FHOD3: variants seen among roughly 807,000 people sequenced by gnomAD.
FHOD3 encodes the protein FH1/FH2 domain-containing protein 3.
FHOD3 carries 90 observed loss-of-function variants against 173.0 expected under a neutral mutation model. The observed-to-expected ratio is 0.52, with a 90% confidence interval of 0.44 to 0.62. The LOEUF (loss-of-function observed/expected upper bound fraction) is 0.62. Among genes scored for constraint, FHOD3 ranks in the 20% least tolerant of loss-of-function variants. The pLI, the probability that FHOD3 is intolerant of heterozygous loss-of-function variation, is 0.00. For synonymous variants in FHOD3, 828 were observed against 823.0 expected (o/e 1.01, Z -0.10); for missense variants, 1,945 against 2,034.7 (o/e 0.96, Z 0.85).
intron 1 of FHOD3, among the ~76,000 whole-genome samples, chr18:36,335,987 G>A (rs1199484115): frequency 6.6e-6 from 1 of 152,176 alleles, no homozygotes; most frequent in Non-Finnish European, 1.5e-5. Context: ...TGAACGTTGT[G>A]GCAACCTTTT....
At chr18:36,428,177 A>G (rs570470052) in intron 3 of FHOD3, among the ~76,000 whole-genome samples, 66 of 152,172 alleles carry the variant, frequency 4.3e-4, no homozygotes, top group African/African-American at 1.5e-3. Context: ...GGCATGTATT[A>G]TGCCTTAAAA....
intron 1 of FHOD3, among the ~76,000 whole-genome samples, chr18:36,316,108 G>A (rs1598678844): frequency 1.3e-5 from 2 of 150,834 alleles, no homozygotes; most frequent in Admixed American, 1.3e-4. Context: ...CTTTCTCGGA[G>A]AGCCATTGCT....
chr18:36,379,696 TTCTG>T (rs2047637342), intron 3 of FHOD3, among the ~76,000 whole-genome samples: 1 of 152,222 alleles, frequency 6.6e-6, no homozygotes, highest in Non-Finnish European at 1.5e-5. Context: ...AGAAAACAAC[TTCTG>T]ATAGGGAAAC....
chr18:36,455,408 A>G (rs1399806906), intron 3 of FHOD3, among the ~76,000 whole-genome samples: 2 of 152,192 alleles, frequency 1.3e-5, no homozygotes, highest in Non-Finnish European at 2.9e-5. Context: ...AAGAAGTGGG[A>G]AACATTTTCA....
chr18:36,418,340 T>C (rs1420082410), intron 3 of FHOD3, among the ~76,000 whole-genome samples: 1 of 152,050 alleles, frequency 6.6e-6, no homozygotes, highest in East Asian at 1.9e-4. Flanking sequence ...GATTTAGGGG[T>C]GGAAAGTTTG....
chr18:36,382,990 C>A (rs1005314624), intron 3 of FHOD3, among the ~76,000 whole-genome samples: 2 of 152,186 alleles, frequency 1.3e-5, no homozygotes, highest in Admixed American at 6.5e-5. Context: ...GACTGTCATG[C>A]AGGTCTGTCT....
At chr18:36,603,218 A>T (rs1039325173) in intron 8 of FHOD3, among the ~76,000 whole-genome samples, 2 of 152,176 alleles carry the variant, frequency 1.3e-5, no homozygotes, top group African/African-American at 4.8e-5. Flanking sequence ...GCCATAGGGA[A>T]CTAATACATT....
intron 1 of FHOD3, among the ~76,000 whole-genome samples, chr18:36,299,226 C>T (rs1000783546): frequency 6.6e-6 from 1 of 152,154 alleles, no homozygotes; most frequent in Non-Finnish European, 1.5e-5. Flanking sequence ...AGGAATGGGG[C>T]ATTTCCATCT....
At chr18:36,300,716 C>G (rs1292180965) in intron 1 of FHOD3, among the ~76,000 whole-genome samples, 1 of 151,568 alleles carries the variant, frequency 6.6e-6, no homozygotes, top group African/African-American at 2.4e-5. Flanking sequence ...ACATTCAAGC[C>G]CCTGAGGGAG....
intron 5 of FHOD3, among the ~76,000 whole-genome samples, chr18:36,528,828 G>A (rs1158689188): frequency 1.3e-5 from 2 of 152,246 alleles, no homozygotes; most frequent in East Asian, 1.9e-4. Context: ...TTTAGAAAAC[G>A]GGACCACTGC....
At chr18:36,615,064 G>T (rs1379894863) in intron 9 of FHOD3, among the ~76,000 whole-genome samples, 1 of 151,758 alleles carries the variant, frequency 6.6e-6, no homozygotes. Flanking sequence ...TGGTCAGGCT[G>T]GTCTCAAACT....
rs536375459 is a variant in FHOD3, at chr18:36,302,532, CCT to C, written c.165+4533_165+4534del. Among the ~76,000 whole-genome samples the C allele has an allele frequency of 7.9e-5, 12 of 152,314 alleles. No homozygotes were observed. In the East Asian group the frequency reaches 2.3e-3, roughly 29 times the overall value. On this transcript the variant is annotated intron_variant, in intron 1 of 28. Coordinates refer to ENST00000590592, the MANE Select transcript of FHOD3 (RefSeq NM_001281740.3). ...GTACATGGGGGTTCTCACTGTCTCC[CCT>C]GTTCTCAGATAACTTCCCTGAGGGA...
intron 28 of FHOD3, among the ~76,000 whole-genome samples, chr18:36,776,519 A>C (rs1326567092): frequency 6.6e-6 from 1 of 152,178 alleles, no homozygotes; most frequent in Admixed American, 6.5e-5. Flanking sequence ...TAACAAAGGG[A>C]AGGTTTCAGA....
At chr18:36,581,981 T>G (rs1159170380) in intron 6 of FHOD3, among the ~76,000 whole-genome samples, 1 of 152,154 alleles carries the variant, frequency 6.6e-6, no homozygotes. Context: ...TTTTGAGGAC[T>G]AGCCTTCTAG....
rs978251252 is a variant in FHOD3 at position 36,730,736 on chromosome 18, C to G, written c.3508C>G (p.Pro1170Ala). 4 of 1,614,006 alleles carry G rather than the reference C, an allele frequency of 2.5e-6. No homozygotes were observed. The highest frequency in any genetic ancestry group is 2.2e-5 in the East Asian group (1 of 44,892). ...CAATATTGGTCTGACGGTGCTGCCC[C>G]CTCCAAGGACGATTAAGATCGCCAT... is the stretch of plus-strand genomic sequence containing the variant. The part of the protein sequence containing the change: ...AINIGLTVLP[P>A]PRTIKIAILN... The change falls in exon 20 of 29, where the codon CCT becomes GCT. Residue 1170 changes from proline (P) to alanine (A), a missense_variant. Coordinates refer to ENST00000590592, the MANE Select transcript of FHOD3 (RefSeq NM_001281740.3).
In FHOD3 at chr18:36,718,031, C is replaced by T. The variant is rs772753668; in HGVS notation, c.2733C>T (p.Thr911=). Residue 911 remains threonine (T), a synonymous_variant, in exon 19 of 29, where the codon ACC becomes ACT. Transcript: ENST00000590592. ...CCAGCCTTGCTACCAGGATATCCAC[C>T]CTGCAGGCCAACTCTCAGACCCAGG... The part of the protein sequence containing the change: ...AVASLATRIS[T]LQANSQTQDE... The T allele has an allele frequency of 1.4e-4, 227 of 1,604,984 alleles. No homozygotes were observed. Among genetic ancestry groups the T allele is most frequent in the Non-Finnish European group, 1.9e-4 (221 of 1,175,454 alleles).
At chr18:36,529,582 G>A (rs1296045103) in intron 5 of FHOD3, among the ~76,000 whole-genome samples, 1 of 152,128 alleles carries the variant, frequency 6.6e-6, no homozygotes, top group African/African-American at 2.4e-5. Flanking sequence ...ACTTTGGGAG[G>A]CTGAGGCGGG....
chr18:36,490,523 C>G (rs980001821), intron 3 of FHOD3, among the ~76,000 whole-genome samples: 1 of 152,152 alleles, frequency 6.6e-6, no homozygotes, highest in Admixed American at 6.5e-5. Flanking sequence ...GACAGGCAAG[C>G]AACCACATAC....
chr18:36,568,623 C>T (rs2058356389), intron 5 of FHOD3, among the ~76,000 whole-genome samples: 2 of 152,056 alleles, frequency 1.3e-5, no homozygotes, highest in Non-Finnish European at 1.5e-5. Flanking sequence ...CAGAGCTCAA[C>T]CAAATGGCAC....
Sources: allele counts gnomAD v4.1 joint callset (sites outside exome capture counted in the v4.1 genomes callset), GRCh38; gene constraint gnomAD v4.1.1; transcripts MANE v1.5; gene names NCBI Gene and HGNC (gene_info 2026-07-23, HGNC 2026-07-21).